The following RBFOX3 variants were observed in gnomAD, a reference collection of about 807,000 sequenced individuals.
The protein encoded by RBFOX3 is RNA binding protein fox-1 homolog 3.
In RBFOX3, 17 loss-of-function variants were observed where a neutral mutation model predicts 48.7. That is an observed-to-expected ratio of 0.35 (90% confidence interval 0.24 to 0.52). The LOEUF is 0.52. Ranked by LOEUF, RBFOX3 falls within the 20% of genes least tolerant of loss-of-function variation. The probability of loss-of-function intolerance (pLI) is 0.94; values close to 1 mark genes in which losing one functional copy is unlikely to be tolerated. For missense variants in RBFOX3, 382 were observed against 497.5 expected, an observed-to-expected ratio of 0.77 and a Z score of 2.21; for synonymous variants, 212 against 209.5, an observed-to-expected ratio of 1.01 and a Z score of -0.10.
chr17:79,469,497 C>T (rs2076791353), intron 2 of RBFOX3, among the ~76,000 whole-genome samples: 1 of 152,208 alleles, frequency 6.6e-6, no homozygotes, highest in East Asian at 1.9e-4. Flanking sequence ...TGCCTACATT[C>T]CCTGTGCCGT....
intron 1 of RBFOX3, among the ~76,000 whole-genome samples, chr17:79,566,799 C>A (rs1286020253): frequency 6.6e-6 from 1 of 152,242 alleles, no homozygotes; most frequent in African/African-American, 2.4e-5. Flanking sequence ...CCGAGCATTG[C>A]CCCAGAGGGG....
chr17:79,330,699 G>A (rs2146321405), intron 2 of RBFOX3, among the ~76,000 whole-genome samples: 1 of 152,240 alleles, frequency 6.6e-6, no homozygotes, highest in South Asian at 2.1e-4. Flanking sequence ...TGGGCTTGGG[G>A]ATCATGAAGT....
At position 79,480,458 on chromosome 17, in the gene RBFOX3, A is replaced by C. The variant is rs1037822697; in HGVS notation, c.-175+1996T>G. ...ACCTTTGTATGTCTCAGGCCATTCA[A>C]TCCCTCACTCAGAGCCCTGCAGTGG... On this transcript the variant is annotated intron_variant, in intron 2 of 14. Transcript: ENST00000693108. This position sits in a 1 kb window ranked among gnomAD's most constrained non-coding sequence, Gnocchi z 4.8. Among the ~76,000 whole-genome samples, 1 of 152,090 alleles carries C rather than the reference A, an allele frequency of 6.6e-6. No individual in the cohort carries two copies. The highest frequency in any genetic ancestry group is 1.5e-5 in the Non-Finnish European group (1 of 68,000).
the RBFOX3 span, among the ~76,000 whole-genome samples, chr17:79,618,779 G>A: frequency 2.0e-4 from 30 of 152,294 alleles, no homozygotes; most frequent in Admixed American, 7.2e-4. Context: ...TAGGCAAAGC[G>A]TCTGAATGTT....
chr17:79,218,819 C>A (rs931097867), intron 4 of RBFOX3, among the ~76,000 whole-genome samples: 3 of 152,180 alleles, frequency 2.0e-5, no homozygotes, highest in Non-Finnish European at 4.4e-5. Context: ...GGCCTCGGTG[C>A]AGACATGGAG....
intron 1 of RBFOX3, among the ~76,000 whole-genome samples, chr17:79,519,189 C>T (rs2149967996): frequency 6.6e-6 from 1 of 152,388 alleles, no homozygotes; most frequent in Middle Eastern, 3.4e-3. Flanking sequence ...TTCTGCTTCT[C>T]TCTTGAAGGG....
At chr17:79,346,895 T>C (rs1011239913) in intron 2 of RBFOX3, among the ~76,000 whole-genome samples, 6 of 152,230 alleles carry the variant, frequency 3.9e-5, no homozygotes, top group Non-Finnish European at 7.3e-5. Flanking sequence ...AGATAAAAAC[T>C]GAGTTAAACT....
the RBFOX3 span, among the ~76,000 whole-genome samples, chr17:79,619,125 A>C: frequency 6.6e-6 from 1 of 152,232 alleles, no homozygotes; most frequent in Non-Finnish European, 1.5e-5. Context: ...ATCGTGAAAA[A>C]TAGCACCAAT....
intron 4 of RBFOX3, among the ~76,000 whole-genome samples, chr17:79,232,876 G>A (rs1260281192): frequency 2.0e-5 from 3 of 152,206 alleles, no homozygotes; most frequent in South Asian, 2.1e-4. Context: ...CAAGGGTTGC[G>A]GAGGCTGAAG....
At chr17:79,420,410 G>C (rs1270781764) in intron 2 of RBFOX3, among the ~76,000 whole-genome samples, 2 of 152,234 alleles carry the variant, frequency 1.3e-5, no homozygotes, top group East Asian at 3.8e-4. Context: ...CACGAAGGGA[G>C]CATGGGAGGA....
chr17:79,183,928 C>T (rs1395358434), intron 4 of RBFOX3, among the ~76,000 whole-genome samples: 4 of 152,218 alleles, frequency 2.6e-5, no homozygotes, highest in Non-Finnish European at 5.9e-5. Flanking sequence ...GTTGCCAGCA[C>T]TTGCTCCTGG....
At chr17:79,545,897 G>A (rs1468398492) in intron 1 of RBFOX3, among the ~76,000 whole-genome samples, 2 of 152,232 alleles carry the variant, frequency 1.3e-5, no homozygotes, top group Non-Finnish European at 2.9e-5. Flanking sequence ...GGCATGGAAG[G>A]TTCTCCTTTG....
chr17:79,232,777 T>C (rs1473392194), intron 4 of RBFOX3, among the ~76,000 whole-genome samples: 2 of 152,204 alleles, frequency 1.3e-5, no homozygotes, highest in African/African-American at 4.8e-5. Context: ...CTCAACATCA[T>C]TAGTCACTAG....
intron 1 of RBFOX3, among the ~76,000 whole-genome samples, chr17:79,574,258 G>C (rs1170623154): frequency 1.3e-5 from 2 of 152,176 alleles, no homozygotes; most frequent in East Asian, 3.8e-4. Context: ...TGAGGCTGAG[G>C]CCTGCTGGAC....
chr17:79,357,164 A>C (rs1336053314), intron 2 of RBFOX3, among the ~76,000 whole-genome samples: 1 of 152,190 alleles, frequency 6.6e-6, no homozygotes, highest in Non-Finnish European at 1.5e-5. Context: ...TTGCACACAC[A>C]TCCTAAAACG....
intron 3 of RBFOX3, among the ~76,000 whole-genome samples, chr17:79,269,029 C>T (rs948820147): frequency 6.6e-6 from 1 of 152,354 alleles, no homozygotes; most frequent in South Asian, 2.1e-4. Flanking sequence ...AGGATCTTTG[C>T]AGTTAGCTAA....
At chr17:79,424,370 C>G (rs782790904) in intron 2 of RBFOX3, among the ~76,000 whole-genome samples, 25 of 152,166 alleles carry the variant, frequency 1.6e-4, no homozygotes, top group Non-Finnish European at 3.5e-4. Context: ...CCCCTGCCCC[C>G]AGAAGTGAAG....
At chr17:79,191,050 G>C (rs1411649346) in intron 4 of RBFOX3, among the ~76,000 whole-genome samples, 1 of 152,232 alleles carries the variant, frequency 6.6e-6, no homozygotes, top group Admixed American at 6.5e-5. Flanking sequence ...CATGGGAAGA[G>C]GTCAAGGTTT....
Position 79,491,387 on chromosome 17 carries a change from A to G in RBFOX3, c.-319-8789T>C, listed in dbSNP as rs1203441108. ...CCATTTGAGGAATTTTAAGTAGGAC[A>G]TGATGAAGATTTGGGTATTCGGAAG... is the stretch of plus-strand genomic sequence containing the variant. On this transcript the variant is annotated intron_variant, in intron 1 of 14. Coordinates refer to ENST00000693108, the MANE Select transcript of RBFOX3 (RefSeq NM_001350451.2). Among the ~76,000 whole-genome samples the G allele has an allele frequency of 5.3e-5, 8 of 152,168 alleles. No homozygotes were observed. In the East Asian group the frequency reaches 1.5e-3, roughly 29 times the overall value.
Sources: allele counts gnomAD v4.1 joint callset (sites outside exome capture counted in the v4.1 genomes callset), GRCh38; gene constraint gnomAD v4.1.1; non-coding constraint Gnocchi (gnomAD v3.1); transcripts MANE v1.5; gene names NCBI Gene and HGNC (gene_info 2026-07-23, HGNC 2026-07-21).